The following NRP2 variants were observed in gnomAD, a reference collection of about 807,000 sequenced individuals.
NRP2 encodes neuropilin 2, also known as neuropilin-2.
In NRP2, 52 loss-of-function variants were observed where a neutral mutation model predicts 110.4. That is an observed-to-expected ratio of 0.47 (90% CI 0.38 to 0.59). The LOEUF is 0.59. NRP2 is among the 20% of genes least tolerant of loss of function. NRP2 has a pLI of 0.00. For missense variants in NRP2, 1,049 were observed against 1,203.0 expected (o/e 0.87, Z 1.89); for synonymous variants, 508 against 468.9 (o/e 1.08, Z -1.08).
chr2:205,719,785 A>G (rs1161184486), intron 3 of NRP2, among the ~76,000 whole-genome samples: 1 of 152,144 alleles, frequency 6.6e-6, no homozygotes, highest in East Asian at 1.9e-4. Context: ...TGATACCTAT[A>G]GATTCTTCTA....
chr2:205,775,054 A>G (rs536885885), intron 15 of NRP2, among the ~76,000 whole-genome samples: 1 of 152,022 alleles, frequency 6.6e-6, no homozygotes, highest in Non-Finnish European at 1.5e-5. Context: ...AGCACTTCCC[A>G]CCCATGGCTC....
chr2:205,749,987 G>C, intron 11 of NRP2, 146 bp downstream of exon 11: 1 of 709,492 alleles, frequency 1.4e-6, no homozygotes, highest in Non-Finnish European at 2.5e-6. Flanking sequence ...GGCACTTAGG[G>C]GTTTGGGGCA....
In NRP2 at chr2:205,763,605, C is replaced by T; in HGVS notation, c.2045-69C>T. 1.2e-6 allele frequency: 2 copies of T among 1,600,520 alleles called. No homozygotes were observed. Among genetic ancestry groups the T allele is most frequent in the Non-Finnish European group, 8.6e-7 (1 of 1,168,976 alleles). Reference sequence around the variant, plus strand: ...CAGTCCCAACTTTCCCTTGGAGAGGCCACAGCAGCACACTGGTGTCTTTCC... The same window carrying T: ...CAGTCCCAACTTTCCCTTGGAGAGGTCACAGCAGCACACTGGTGTCTTTCC... On this transcript the variant is annotated intron_variant, in intron 12 of 16. Coordinates refer to ENST00000357785, the MANE Select transcript of NRP2 (RefSeq NM_003872.3). This position sits in a 1 kb window ranked among gnomAD's most constrained non-coding sequence, Gnocchi z 4.0.
rs148906975 is a variant in NRP2, at chr2:205,748,262, G to C, written c.1787-1463G>C. ...CATCTGTTTCTCACACTCATCTTCGGTTCACTTCTTCATCCCTATCCCAAA... is the reference window on the plus strand; with the variant it reads ...CATCTGTTTCTCACACTCATCTTCGCTTCACTTCTTCATCCCTATCCCAAA... On this transcript the variant is annotated intron_variant, in intron 10 of 16. Coordinates refer to ENST00000357785, the MANE Select transcript of NRP2 (RefSeq NM_003872.3). Among the ~76,000 whole-genome samples, 35 of 152,208 alleles carry C rather than the reference G, an allele frequency of 2.3e-4. No homozygotes were observed. The East Asian group carries it at 6.8e-3, about 29-fold the overall frequency.
intron 15 of NRP2, chr2:205,776,669 A>C: frequency 1.3e-6 from 2 of 1,550,110 alleles, no homozygotes; most frequent in East Asian, 4.7e-5. Flanking sequence ...GAGCACTCTT[A>C]TCAATCCCAA....
chr2:205,725,926 T>C lies in NRP2; in HGVS notation c.834T>C (p.Asn278=). ...HQEPLENFQC[N]VPLGMESGRI... ...TGCTTTCCCCAGACTTTCAGTGCAA[T>C]GTTCCTCTGGGCATGGAGTCTGGCC... is the stretch of plus-strand genomic sequence containing the variant. Residue 278 remains asparagine, a synonymous_variant, in exon 6 of 17, where the codon AAT becomes AAC. Coordinates refer to ENST00000357785, the MANE Select transcript of NRP2 (RefSeq NM_003872.3). The surrounding 1 kb of genome is among the most constrained non-coding windows in gnomAD (Gnocchi z 4.1). 6.2e-7 allele frequency: 1 copy of C among 1,614,160 alleles called. No homozygotes were observed. The highest frequency in any genetic ancestry group is 8.5e-7 in the Non-Finnish European group (1 of 1,180,024).
chr2:205,697,877 C>A, intron 2 of NRP2, 156 bp downstream of exon 2: 1 of 777,286 alleles, frequency 1.3e-6, no homozygotes, highest in East Asian at 2.5e-5. Flanking sequence ...AGGGGCATTC[C>A]CTTTCCAGGG....
chr2:205,714,167 G>A (rs1171925724), intron 2 of NRP2, among the ~76,000 whole-genome samples: 2 of 152,154 alleles, frequency 1.3e-5, no homozygotes, highest in African/African-American at 4.8e-5. Context: ...TGTCATTTAA[G>A]TCCCACATCA....
At chr2:205,735,713 A>G (rs918233022) in intron 7 of NRP2, among the ~76,000 whole-genome samples, 1 of 152,024 alleles carries the variant, frequency 6.6e-6, no homozygotes, top group African/African-American at 2.4e-5. Flanking sequence ...AATCCAGGAA[A>G]TGCTGATGGT....
At chr2:205,776,916 A>G in intron 15 of NRP2, 1 of 1,193,366 alleles carries the variant, frequency 8.4e-7, no homozygotes, top group South Asian at 1.7e-5. Context: ...CGTGAGGGGA[A>G]GCCTGGATCT....
At chr2:205,775,188 T>C (rs1445993160) in intron 15 of NRP2, among the ~76,000 whole-genome samples, 1 of 152,200 alleles carries the variant, frequency 6.6e-6, no homozygotes, top group Admixed American at 6.5e-5. Context: ...ATGTCTGGTT[T>C]TGGCAAGCTC....
chr2:205,760,499 A>G (rs2057803294), intron 12 of NRP2, among the ~76,000 whole-genome samples: 1 of 152,200 alleles, frequency 6.6e-6, no homozygotes. Flanking sequence ...GCACTGAATT[A>G]TGATCCTTCA....
chr2:205,714,109 C>T (rs1195819974), intron 2 of NRP2, among the ~76,000 whole-genome samples: 1 of 152,208 alleles, frequency 6.6e-6, no homozygotes, highest in African/African-American at 2.4e-5. Context: ...TTACTTAGCA[C>T]TCACTGAGTG....
intron 2 of NRP2, chr2:205,700,896 T>A: frequency 1.1e-5 from 4 of 350,190 alleles, no homozygotes; most frequent in Non-Finnish European, 2.3e-5. Flanking sequence ...CAGAGGCCAC[T>A]GTGGTACTGC....
intron 15 of NRP2, among the ~76,000 whole-genome samples, chr2:205,769,375 T>C (rs2057980402): frequency 6.6e-6 from 1 of 152,228 alleles, no homozygotes; most frequent in South Asian, 2.1e-4. Flanking sequence ...CTGGAGTTAT[T>C]AGATGGTCGC....
chr2:205,704,276 C>G (rs571025740), intron 2 of NRP2, among the ~76,000 whole-genome samples: 130 of 152,288 alleles, frequency 8.5e-4, no homozygotes, highest in African/African-American at 3.0e-3. Context: ...AGCTGGTCTC[C>G]GTTGAAGTCT....
chr2:205,720,800 C>G (rs934793757), intron 3 of NRP2, among the ~76,000 whole-genome samples: 3 of 152,172 alleles, frequency 2.0e-5, no homozygotes, highest in African/African-American at 7.2e-5. Flanking sequence ...GGAGGCAGCC[C>G]CAGCTCATCC....
Position 205,686,124 on chromosome 2 carries a change from A to G in NRP2, c.73+2761A>G, listed in dbSNP as rs2056154811. Among the ~76,000 whole-genome samples the G allele has an allele frequency of 1.3e-5, 2 of 151,942 alleles. No individual in the cohort carries two copies. The highest frequency in any genetic ancestry group is 4.2e-4 in the South Asian group (2 of 4,818). ...GCAGAAACAGAGCCCAGCGATCCATAAACATTCTATTAAGCAAAAATATTC... is the reference window on the plus strand; with the variant it reads ...GCAGAAACAGAGCCCAGCGATCCATGAACATTCTATTAAGCAAAAATATTC... On this transcript the variant is annotated intron_variant, in intron 1 of 16. Coordinates refer to ENST00000357785, the MANE Select transcript of NRP2 (RefSeq NM_003872.3). This position sits in a 1 kb window ranked among gnomAD's most constrained non-coding sequence, Gnocchi z 4.7.
chr2:205,787,447 C>T (rs1268214477), intron 15 of NRP2, among the ~76,000 whole-genome samples: 1 of 152,164 alleles, frequency 6.6e-6, no homozygotes, highest in East Asian at 1.9e-4. Context: ...CCAGGGCTGT[C>T]TTAAATTATT....
Sources: allele counts gnomAD v4.1 joint callset (sites outside exome capture counted in the v4.1 genomes callset), GRCh38; gene constraint gnomAD v4.1.1; non-coding constraint Gnocchi (gnomAD v3.1); transcripts MANE v1.5; gene names NCBI Gene and HGNC (gene_info 2026-07-23, HGNC 2026-07-21).